SGMS1: variants seen among roughly 807,000 people sequenced by gnomAD.
SGMS1 encodes sphingomyelin synthase 1, also known as phosphatidylcholine:ceramide cholinephosphotransferase 1.
A neutral mutation model predicts 46.2 loss-of-function variants in SGMS1; 13 were observed. The ratio of observed to expected loss-of-function variants is 0.28; its 90% CI spans 0.18 to 0.45. SGMS1 has a LOEUF of 0.45. Ranked by LOEUF, SGMS1 falls within the 20% of genes least tolerant of loss-of-function variation. The pLI is 1.00. For missense variants in SGMS1, 324 were observed against 519.9 expected, an observed-to-expected ratio of 0.62 and a Z score of 3.66; for synonymous variants, 203 against 187.8, an observed-to-expected ratio of 1.08 and a Z score of -0.66.
chr10:50,605,063 A>T (rs1052703418), intron 1 of SGMS1, among the ~76,000 whole-genome samples: 1 of 152,228 alleles, frequency 6.6e-6, no homozygotes, highest in Non-Finnish European at 1.5e-5. Flanking sequence ...ACAAAGCTGG[A>T]AGCTAATTTC....
At chr10:50,401,669 G>A (rs190461350) in intron 6 of SGMS1, among the ~76,000 whole-genome samples, 23 of 152,188 alleles carry the variant, frequency 1.5e-4, no homozygotes, top group Admixed American at 1.5e-3. Context: ...TTTCTTAAGG[G>A]ATACATGTTT....
chr10:50,507,035 C>T (rs1170173142), intron 3 of SGMS1, among the ~76,000 whole-genome samples: 1 of 152,206 alleles, frequency 6.6e-6, no homozygotes, highest in Admixed American at 6.5e-5. Context: ...AAACACACAG[C>T]TGCTCTAGTC....
chr10:50,562,215 A>T (rs1838242764), intron 2 of SGMS1, among the ~76,000 whole-genome samples: 1 of 152,138 alleles, frequency 6.6e-6, no homozygotes. Context: ...TCTAGGATTC[A>T]ACTATGCACA....
chr10:50,372,566 C>T (rs993562989), intron 6 of SGMS1, among the ~76,000 whole-genome samples: 18 of 151,966 alleles, frequency 1.2e-4, no homozygotes, highest in South Asian at 2.1e-4. Flanking sequence ...TGGTGGCAGA[C>T]GCCTGTAGTC....
chr10:50,591,823 G>A (rs1248995141), intron 1 of SGMS1, among the ~76,000 whole-genome samples: 1 of 152,202 alleles, frequency 6.6e-6, no homozygotes, highest in Non-Finnish European at 1.5e-5. Context: ...TACAGTTGGG[G>A]AGAACGTGAC....
chr10:50,335,960 T>A (rs1847709166), intron 7 of SGMS1: 1 of 152,224 alleles, frequency 6.6e-6, no homozygotes. Context: ...ATAATTCCTA[T>A]GGCTCAGTCC....
intron 2 of SGMS1, among the ~76,000 whole-genome samples, chr10:50,565,679 C>T (rs531673420): frequency 2.6e-5 from 4 of 152,304 alleles, no homozygotes; most frequent in South Asian, 2.1e-4. Context: ...CTCAAGTTGG[C>T]GTCAGATGCC....
chr10:50,368,436 A>C (rs1848384319), intron 6 of SGMS1, among the ~76,000 whole-genome samples: 1 of 152,154 alleles, frequency 6.6e-6, no homozygotes, highest in African/African-American at 2.4e-5. Context: ...GGCTTACTGC[A>C]ACCCCTGCCT....
chr10:50,399,219 G>A (rs1008377620), intron 6 of SGMS1, among the ~76,000 whole-genome samples: 13 of 152,076 alleles, frequency 8.5e-5, no homozygotes, highest in African/African-American at 2.9e-4. Flanking sequence ...AATTGGGACT[G>A]GGAGGTAACT....
chr10:50,404,072 A>G (rs1848978106), intron 6 of SGMS1, among the ~76,000 whole-genome samples: 1 of 152,102 alleles, frequency 6.6e-6, no homozygotes, highest in African/African-American at 2.4e-5. Flanking sequence ...ACAAGTCAAT[A>G]TGATAAAGAC....
chr10:50,346,055 A>G (rs1847907183), intron 6 of SGMS1, among the ~76,000 whole-genome samples: 1 of 152,252 alleles, frequency 6.6e-6, no homozygotes, highest in African/African-American at 2.4e-5. Context: ...ATAATAGCTG[A>G]TGAAATGTGG....
intron 2 of SGMS1, among the ~76,000 whole-genome samples, chr10:50,557,685 CAAAA>C (rs5784835): frequency 8.7e-6 from 1 of 114,884 alleles, no homozygotes; most frequent in Non-Finnish European, 1.8e-5. Context: ...ACTCTAACAG[CAAAA>C]AAAAAAAAAA....
chr10:50,427,267 C>T (rs148254592), intron 6 of SGMS1, among the ~76,000 whole-genome samples: 140 of 152,118 alleles, frequency 9.2e-4, no homozygotes, highest in African/African-American at 3.0e-3. Context: ...GGTGTGGTGG[C>T]GGGCGCCTGT....
chr10:50,360,287 C>T (rs1219098834), intron 6 of SGMS1, among the ~76,000 whole-genome samples: 1 of 152,188 alleles, frequency 6.6e-6, no homozygotes, highest in Non-Finnish European at 1.5e-5. Context: ...ACTCCAGTCT[C>T]AGATATTTCC....
chr10:50,334,151 CCCTAT>C (rs1178652397), intron 7 of SGMS1, among the ~76,000 whole-genome samples: 1 of 152,120 alleles, frequency 6.6e-6, no homozygotes, highest in Non-Finnish European at 1.5e-5. Flanking sequence ...AAAAATGCTA[CCCTAT>C]AAGACATGAA....
chr10:50,408,162 C>A (rs938672721), intron 6 of SGMS1, among the ~76,000 whole-genome samples: 66 of 152,252 alleles, frequency 4.3e-4, no homozygotes, highest in African/African-American at 1.5e-3. Context: ...TATTGGACAT[C>A]AAAGGTCTGG....
At chr10:50,611,778 C>T (rs1838752255) in intron 1 of SGMS1, among the ~76,000 whole-genome samples, 1 of 152,212 alleles carries the variant, frequency 6.6e-6, no homozygotes, top group South Asian at 2.1e-4. Context: ...ATCCCTGCCG[C>T]TGCCCCCTGC....
At chr10:50,542,800 T>A (rs1838066145) in intron 2 of SGMS1, among the ~76,000 whole-genome samples, 1 of 148,752 alleles carries the variant, frequency 6.7e-6, no homozygotes, top group African/African-American at 2.4e-5. Context: ...TTTTCATTTG[T>A]TTTTCAGCAA....
chr10:50,552,066 CTTTA>C (rs1414649300), intron 2 of SGMS1, among the ~76,000 whole-genome samples: 1 of 152,172 alleles, frequency 6.6e-6, no homozygotes, highest in African/African-American at 2.4e-5. Context: ...TCCAATAAAA[CTTTA>C]TTTATAAAAA....
Sources: allele counts gnomAD v4.1 joint callset (sites outside exome capture counted in the v4.1 genomes callset), GRCh38; gene constraint gnomAD v4.1.1; transcripts MANE v1.5; gene names NCBI Gene and HGNC (gene_info 2026-07-23, HGNC 2026-07-21).